Variants in CYP2B6 observed in about 807,000 individuals in gnomAD.
CYP2B6 encodes the protein cytochrome P450 family 2 subfamily B member 6, also known as cytochrome P450 2B6.
In CYP2B6, 35 loss-of-function variants were observed where a neutral mutation model predicts 43.4. That is an observed-to-expected ratio of 0.81 (90% CI 0.62 to 1.07). The LOEUF (loss-of-function observed/expected upper bound fraction) is 1.07. CYP2B6 is among the 50% of genes least tolerant of loss of function. CYP2B6 has a pLI of 0.00. For synonymous variants in CYP2B6, 239 were observed against 239.2 expected (o/e 1.00, Z 0.01); for missense variants, 624 against 632.8 (o/e 0.99, Z 0.15).
chr19:41,010,474 CAT>C (rs1969266435), intron 6 of CYP2B6, among the ~76,000 whole-genome samples: 2 of 149,874 alleles, frequency 1.3e-5, no homozygotes, highest in African/African-American at 2.5e-5. Flanking sequence ...AGTGCAGTGG[CAT>C]GCTCTTGGCT....
intron 1 of CYP2B6, among the ~76,000 whole-genome samples, chr19:40,992,474 A>G (rs1448666073): frequency 6.6e-6 from 1 of 152,062 alleles, no homozygotes; most frequent in Non-Finnish European, 1.5e-5. Context: ...TTCCCACTGT[A>G]ATGAGCCCAC....
chr19:40,991,539 T>G, intron 1 of CYP2B6, 63 bp downstream of exon 1: 1 of 1,581,290 alleles, frequency 6.3e-7, no homozygotes. Flanking sequence ...TTGGGGAAGC[T>G]TCACCAAACA....
chr19:40,997,582 A>G (rs930724671), intron 1 of CYP2B6, among the ~76,000 whole-genome samples: 1 of 152,200 alleles, frequency 6.6e-6, no homozygotes, highest in Non-Finnish European at 1.5e-5. Context: ...CATACAAATG[A>G]TGAATGTGAT....
chr19:40,992,955 C>T (rs1968944199), intron 1 of CYP2B6, among the ~76,000 whole-genome samples: 1 of 152,116 alleles, frequency 6.6e-6, no homozygotes, highest in Non-Finnish European at 1.5e-5. Context: ...ATAAGGTCCA[C>T]TGTCCACAGA....
intron 8 of CYP2B6, among the ~76,000 whole-genome samples, chr19:41,013,304 C>T (rs916669567): frequency 6.6e-6 from 1 of 152,112 alleles, no homozygotes; most frequent in Non-Finnish European, 1.5e-5. Context: ...CTCACAAGGG[C>T]AATTATTATT....
intron 1 of CYP2B6, among the ~76,000 whole-genome samples, chr19:40,992,673 C>A (rs376298212): frequency 3.3e-5 from 5 of 152,172 alleles, no homozygotes; most frequent in African/African-American, 1.2e-4. Flanking sequence ...GTGCATGCCA[C>A]CACGCCCAGC....
At chr19:40,996,855 A>G (rs1026541236) in intron 1 of CYP2B6, among the ~76,000 whole-genome samples, 2 of 152,072 alleles carry the variant, frequency 1.3e-5, no homozygotes, top group Non-Finnish European at 2.9e-5. Context: ...GGTACATAAC[A>G]CTGGTTTATT....
intron 1 of CYP2B6, among the ~76,000 whole-genome samples, chr19:40,992,452 AT>A (rs1370081090): frequency 6.6e-6 from 1 of 151,966 alleles, no homozygotes; most frequent in Non-Finnish European, 1.5e-5. Context: ...CCTTTTCTTC[AT>A]GTTTTTGTTG....
intron 6 of CYP2B6, 39 bp from the exon 7 acceptor site, chr19:41,012,259 T>C (rs1490256822): frequency 7.5e-6 from 12 of 1,605,974 alleles, no homozygotes; most frequent in Non-Finnish European, 1.0e-5. Context: ...CTGAAATGCC[T>C]CTTTAAAATG....
In CYP2B6 at chr19:40,991,352, TGCTACTCCTG is replaced by T. The variant is rs1164876905; in HGVS notation, c.49_58del (p.Leu17PhefsTer37). ...TTCCTTGCACTCCTCACAGGACTCT[TGCTACTCCTG>T]GTTCAGCGCCACCCTAACACCCATG... On this transcript the variant is annotated frameshift_variant, in exon 1 of 9. Transcript: ENST00000324071. LOFTEE classifies it high-confidence loss of function. 6.2e-7 allele frequency: 1 copy of T among 1,613,974 alleles called. No homozygotes were observed. The highest frequency in any genetic ancestry group is 8.5e-7 in the Non-Finnish European group (1 of 1,180,046).
At chr19:40,995,298 A>G (rs1483118879) in intron 1 of CYP2B6, among the ~76,000 whole-genome samples, 1 of 152,184 alleles carries the variant, frequency 6.6e-6, no homozygotes, top group Non-Finnish European at 1.5e-5. Flanking sequence ...ACAGACATAC[A>G]GTTCTAGGAG....
At chr19:40,996,026 A>G (rs1287623896) in intron 1 of CYP2B6, among the ~76,000 whole-genome samples, 4 of 152,140 alleles carry the variant, frequency 2.6e-5, no homozygotes, top group Non-Finnish European at 4.4e-5. Flanking sequence ...AACATTTCTT[A>G]CATCTTGAGA....
At chr19:41,000,898 G>A (rs1276750731) in intron 1 of CYP2B6, among the ~76,000 whole-genome samples, 1 of 152,044 alleles carries the variant, frequency 6.6e-6, no homozygotes, top group Non-Finnish European at 1.5e-5. Context: ...AACTAGCTGG[G>A]CATGGTGGCA....
At chr19:40,993,235 T>C (rs1968948915) in intron 1 of CYP2B6, among the ~76,000 whole-genome samples, 1 of 151,964 alleles carries the variant, frequency 6.6e-6, no homozygotes, top group African/African-American at 2.4e-5. Context: ...AGTAGAAAAG[T>C]TTGGGATAGC....
At chr19:41,007,150 C>A in intron 4 of CYP2B6, 85 bp downstream of exon 4, 1 of 1,338,736 alleles carries the variant, frequency 7.5e-7, no homozygotes, top group Non-Finnish European at 1.1e-6. Flanking sequence ...GTCTTGGGGG[C>A]TCAGAAATGC....
chr19:41,006,908 C>T lies in CYP2B6; in HGVS notation c.488C>T (p.Ala163Val). The T allele has an allele frequency of 6.2e-7, 1 of 1,613,436 alleles. No homozygotes were observed. ...TTGACCTGCTGCTTCTTCCTAGGGG[C>T]CCTCATGGACCCCACCTTCCTCTTC... Reference protein sequence around the residue: ...LIEELRKSKGALMDPTFLFQS... With the variant: ...LIEELRKSKGVLMDPTFLFQS... The change falls in exon 4 of 9, where the codon GCC becomes GTC. Residue 163 changes from alanine to valine, a missense_variant. By Grantham distance (64) the Ala-to-Val change is moderately conservative. Transcript: ENST00000324071.
At chr19:41,000,947 G>T (rs1969074462) in intron 1 of CYP2B6, among the ~76,000 whole-genome samples, 2 of 152,056 alleles carry the variant, frequency 1.3e-5, no homozygotes, top group African/African-American at 4.8e-5. Flanking sequence ...GCTGAGGCAG[G>T]AGAATTGCTT....
In CYP2B6 at chr19:41,014,527, G is replaced by C. The variant is rs529472387; in HGVS notation, c.1294+1712G>C. On this transcript the variant is annotated intron_variant, in intron 8 of 8. Transcript: ENST00000324071. ...TCACCGTGTTAGCCAGGATGGTGCT[G>C]ATCTTCTGACCTTGTGATATGCCCA... Among the ~76,000 whole-genome samples the C allele has an allele frequency of 6.6e-5, 10 of 152,186 alleles. No homozygotes were observed. In the South Asian group the frequency reaches 2.1e-3, roughly 32 times the overall value.
chr19:40,999,514 G>C, intron 1 of CYP2B6, among the ~76,000 whole-genome samples: 1 of 151,994 alleles, frequency 6.6e-6, no homozygotes, highest in Admixed American at 6.5e-5. Flanking sequence ...TGTCCTGAAT[G>C]GTAATGCCTA....
Sources: gnomAD v4.1 joint callset for allele counts (sites outside exome capture counted in the v4.1 genomes callset) on GRCh38, gnomAD v4.1.1 for gene constraint, MANE v1.5 for transcripts, NCBI Gene and HGNC (gene_info 2026-07-23, HGNC 2026-07-21) for gene names.